The following KCNQ5 variants were observed in gnomAD, a reference collection of about 807,000 sequenced individuals.
KCNQ5 encodes the protein potassium voltage-gated channel subfamily KQT member 5.
A neutral mutation model predicts 98.2 loss-of-function variants in KCNQ5; 30 were observed. That is an observed-to-expected ratio of 0.31 (90% confidence interval 0.23 to 0.41). The LOEUF (loss-of-function observed/expected upper bound fraction) is 0.41. Among genes scored for constraint, KCNQ5 ranks in the 10% least tolerant of loss-of-function variants. The pLI, the probability that KCNQ5 is intolerant of heterozygous loss-of-function variation, is 1.00. For synonymous variants in KCNQ5, 458 were observed against 449.4 expected, an observed-to-expected ratio of 1.02 and a Z score of -0.24; for missense variants, 835 against 1,182.5, an observed-to-expected ratio of 0.71 and a Z score of 4.31.
At chr6:72,929,604 A>T (rs950416754) in intron 1 of KCNQ5, among the ~76,000 whole-genome samples, 8 of 152,146 alleles carry the variant, frequency 5.3e-5, no homozygotes, top group Non-Finnish European at 8.8e-5. Context: ...AGTACAATGG[A>T]GTATATAAAG....
At chr6:72,994,567 C>T (rs1224640696) in intron 1 of KCNQ5, among the ~76,000 whole-genome samples, 4 of 148,490 alleles carry the variant, frequency 2.7e-5, no homozygotes, top group Non-Finnish European at 4.5e-5. Flanking sequence ...TCTGGCACTC[C>T]CTAGTGAGAT....
At chr6:72,748,530 A>G (rs933205496) in intron 1 of KCNQ5, among the ~76,000 whole-genome samples, 12 of 152,156 alleles carry the variant, frequency 7.9e-5, no homozygotes, top group Admixed American at 6.6e-5. Flanking sequence ...CAATTCACCC[A>G]TAATAACTGA....
intron 1 of KCNQ5, among the ~76,000 whole-genome samples, chr6:72,854,778 G>GTGTGTT (rs1777456191): frequency 6.8e-6 from 1 of 146,602 alleles, no homozygotes; most frequent in South Asian, 2.2e-4. Flanking sequence ...GTGTGTGTGT[G>GTGTGTT]TGTGTGCGTG....
chr6:72,945,520 T>C (rs1766501929), intron 1 of KCNQ5, among the ~76,000 whole-genome samples: 1 of 149,576 alleles, frequency 6.7e-6, no homozygotes, highest in South Asian at 2.2e-4. Context: ...AGTGGTGCAA[T>C]CTTGGCTCAC....
chr6:72,834,412 T>C (rs1349989449), intron 1 of KCNQ5, among the ~76,000 whole-genome samples: 1 of 152,152 alleles, frequency 6.6e-6, no homozygotes, highest in Non-Finnish European at 1.5e-5. Flanking sequence ...CTCTGAAATA[T>C]GTGCCTATAT....
intron 1 of KCNQ5, among the ~76,000 whole-genome samples, chr6:72,686,115 C>T (rs998410359): frequency 6.6e-6 from 1 of 152,202 alleles, no homozygotes; most frequent in African/African-American, 2.4e-5. Flanking sequence ...TCCCAAATGT[C>T]TCACCTCCTA....
At chr6:73,027,429 T>C (rs763501530) in intron 2 of KCNQ5, among the ~76,000 whole-genome samples, 2 of 152,182 alleles carry the variant, frequency 1.3e-5, no homozygotes, top group Non-Finnish European at 2.9e-5. Context: ...ACTTCAATGT[T>C]TGGGAAACAT....
At chr6:72,892,733 G>A (rs1006898293) in intron 1 of KCNQ5, among the ~76,000 whole-genome samples, 1 of 151,636 alleles carries the variant, frequency 6.6e-6, no homozygotes, top group African/African-American at 2.4e-5. Flanking sequence ...AAAAGACAAT[G>A]TATCTTATAT....
chr6:72,813,538 T>A (rs1775348203), intron 1 of KCNQ5, among the ~76,000 whole-genome samples: 1 of 152,164 alleles, frequency 6.6e-6, no homozygotes, highest in South Asian at 2.1e-4. Context: ...TAGAAATTAC[T>A]GTCTCTCACA....
intron 11 of KCNQ5, among the ~76,000 whole-genome samples, chr6:73,173,973 G>T (rs769878826): frequency 6.6e-6 from 1 of 151,990 alleles, no homozygotes; most frequent in African/African-American, 2.4e-5. Flanking sequence ...CTGTGTAAAG[G>T]ATTCACCATT....
chr6:72,947,382 G>C (rs149106708), intron 1 of KCNQ5, among the ~76,000 whole-genome samples: 1 of 152,090 alleles, frequency 6.6e-6, no homozygotes, highest in African/African-American at 2.4e-5. Flanking sequence ...TTATAGAAGA[G>C]GGGCAGAGTT....
At chr6:72,849,947 T>C (rs1777178936) in intron 1 of KCNQ5, among the ~76,000 whole-genome samples, 2 of 152,200 alleles carry the variant, frequency 1.3e-5, no homozygotes, top group South Asian at 4.1e-4. Flanking sequence ...CATTCTACTA[T>C]TTAACATTTT....
intron 11 of KCNQ5, among the ~76,000 whole-genome samples, chr6:73,180,677 G>A (rs1331351910): frequency 6.6e-6 from 1 of 152,164 alleles, no homozygotes; most frequent in Non-Finnish European, 1.5e-5. Flanking sequence ...CACCTGAAAA[G>A]TTTTATAAAA....
At chr6:72,782,073 C>A (rs796777630) in intron 1 of KCNQ5, among the ~76,000 whole-genome samples, 1 of 96,502 alleles carries the variant, frequency 1.0e-5, no homozygotes, top group African/African-American at 4.0e-5. Flanking sequence ...TTGCTGCCAA[C>A]CATTTTCTTT....
At chr6:72,733,882 C>T (rs905873970) in intron 1 of KCNQ5, among the ~76,000 whole-genome samples, 2 of 152,150 alleles carry the variant, frequency 1.3e-5, no homozygotes, top group Non-Finnish European at 2.9e-5. Context: ...CTCCAGTCCA[C>T]GTGGCTATGT....
chr6:72,822,358 G>C (rs1300252527), intron 1 of KCNQ5, among the ~76,000 whole-genome samples: 9 of 152,192 alleles, frequency 5.9e-5, no homozygotes, highest in Non-Finnish European at 1.5e-5. Context: ...GTTTAAAATA[G>C]ACACTTAGGG....
chr6:73,104,014 T>C (rs187142178), intron 5 of KCNQ5, among the ~76,000 whole-genome samples: 13 of 152,126 alleles, frequency 8.5e-5, no homozygotes, highest in Non-Finnish European at 1.0e-4. Flanking sequence ...AAATTAAAAA[T>C]TATTAATAAA....
At chr6:72,787,167 T>A (rs1010557317) in intron 1 of KCNQ5, among the ~76,000 whole-genome samples, 19 of 152,094 alleles carry the variant, frequency 1.2e-4, no homozygotes, top group Non-Finnish European at 2.6e-4. Flanking sequence ...AAATTCACAG[T>A]GGTTTTTGCA....
intron 1 of KCNQ5, among the ~76,000 whole-genome samples, chr6:72,932,274 G>T (rs73753211): frequency 1.3e-5 from 2 of 151,908 alleles, no homozygotes; most frequent in Non-Finnish European, 2.9e-5. Context: ...GCGTGTGTGC[G>T]TGTGTGTGTG....
Sources: allele counts gnomAD v4.1 joint callset (sites outside exome capture counted in the v4.1 genomes callset), GRCh38; gene constraint gnomAD v4.1.1; transcripts MANE v1.5; gene names NCBI Gene and HGNC (gene_info 2026-07-23, HGNC 2026-07-21).